The following MB variants were observed in gnomAD, a reference collection of about 807,000 sequenced individuals.
MB encodes the protein nitrite reductase MB.
Under a neutral mutation model 14.5 loss-of-function variants are expected in MB, and 10 were observed. The observed-to-expected ratio is 0.69, with a 90% confidence interval of 0.43 to 1.17. MB has a LOEUF of 1.17. Among genes scored for constraint, MB ranks in the 50% most tolerant of loss-of-function variants. The pLI, the probability that MB is intolerant of heterozygous loss-of-function variation, is 0.00. For missense variants in MB, 169 were observed against 192.7 expected, an observed-to-expected ratio of 0.88 and a Z score of 0.73; for synonymous variants, 89 against 78.6, an observed-to-expected ratio of 1.13 and a Z score of -0.70.
At chr22:35,611,221 C>T in intron 1 of MB, 115 bp from the exon 2 acceptor site, 2 of 710,782 alleles carry the variant, frequency 2.8e-6, no homozygotes, top group Non-Finnish European at 4.9e-6. Context: ...GACCTTGGGC[C>T]ATTCACTTCA....
At chr22:35,611,378 A>G (rs1922617107) in intron 1 of MB, among the ~76,000 whole-genome samples, 1 of 152,176 alleles carries the variant, frequency 6.6e-6, no homozygotes, top group Admixed American at 6.5e-5. Context: ...AGATGTGGAA[A>G]CCGAGGTTCT....
upstream of MB, among the ~76,000 whole-genome samples, chr22:35,618,598 A>G (rs532685685): frequency 2.6e-5 from 4 of 151,262 alleles, no homozygotes; most frequent in Non-Finnish European, 5.9e-5. Flanking sequence ...CCACCCATCC[A>G]TCCAACATCT....
chr22:35,618,660 A>G (rs1184518759), upstream of MB, among the ~76,000 whole-genome samples: 1 of 151,360 alleles, frequency 6.6e-6, no homozygotes, highest in African/African-American at 2.4e-5. Flanking sequence ...TCATCTATCC[A>G]TCATCTCTTT....
chr22:35,617,415 C>A (rs1923160081), upstream of MB: 3 of 607,104 alleles, frequency 4.9e-6, no homozygotes, highest in Admixed American at 8.4e-5. Flanking sequence ...CCCTCCCCTG[C>A]CCTCCTTCAC....
intron 1 of MB, among the ~76,000 whole-genome samples, chr22:35,613,132 C>T (rs1922774149): frequency 6.6e-6 from 1 of 152,232 alleles, no homozygotes; most frequent in African/African-American, 2.4e-5. Flanking sequence ...CGACAATGAT[C>T]CTTGAACTCC....
chr22:35,618,906 C>T (rs1280755542), upstream of MB, among the ~76,000 whole-genome samples: 1 of 151,514 alleles, frequency 6.6e-6, no homozygotes, highest in Non-Finnish European at 1.5e-5. Context: ...CCACCCATCC[C>T]TCCATCTATC....
upstream of MB, among the ~76,000 whole-genome samples, chr22:35,620,824 T>C (rs1022053217): frequency 6.6e-6 from 1 of 152,202 alleles, no homozygotes; most frequent in Non-Finnish European, 1.5e-5. Context: ...TCCTGAGTTG[T>C]CTGGGGATGG....
rs1381773320 is a variant in MB at position 35,607,315 on chromosome 22, C to G, written c.447G>C (p.Glu149Asp). 1 of 1,613,552 alleles carries G rather than the reference C, an allele frequency of 6.2e-7. No individual in the cohort carries two copies. Among genetic ancestry groups the G allele is most frequent in the African/African-American group, 1.3e-5 (1 of 75,054 alleles). ...FRKDMASNYK[E>D]LGFQG Reference sequence around the variant, plus strand: ...CAGGGGCCTAGCCCTGGAAGCCCAGCTCCTTGTAGTTGGAGGCCATGTCCT... The same window carrying G: ...CAGGGGCCTAGCCCTGGAAGCCCAGGTCCTTGTAGTTGGAGGCCATGTCCT... Residue 149 changes from glutamate (E) to aspartate (D), a missense_variant, in exon 3 of 3, where the codon GAG (glutamate) becomes GAC (aspartate). Physicochemically the swap from Glu to Asp is conservative, Grantham distance 45. Coordinates refer to ENST00000397326, the MANE Select transcript of MB (RefSeq NM_005368.3).
intron 1 of MB, among the ~76,000 whole-genome samples, chr22:35,611,594 G>A (rs1262786529): frequency 1.3e-5 from 2 of 152,194 alleles, no homozygotes; most frequent in Admixed American, 1.3e-4. Flanking sequence ...CCACTCCAGA[G>A]CAATCCTCAC....
rs1381773320 is a variant in MB, at chr22:35,607,315, C to T, written c.447G>A (p.Glu149=). The T allele has an allele frequency of 1.2e-6, 2 of 1,613,552 alleles. No individual in the cohort carries two copies. Among genetic ancestry groups the T allele is most frequent in the East Asian group, 2.2e-5 (1 of 44,852 alleles). Residue 149 remains glutamate (E), a synonymous_variant, in exon 3 of 3, where the codon GAG becomes GAA. Transcript: ENST00000397326. ...CAGGGGCCTAGCCCTGGAAGCCCAGCTCCTTGTAGTTGGAGGCCATGTCCT... is the reference window on the plus strand; with the variant it reads ...CAGGGGCCTAGCCCTGGAAGCCCAGTTCCTTGTAGTTGGAGGCCATGTCCT... The part of the protein sequence containing the change: ...FRKDMASNYK[E]LGFQG
At chr22:35,614,988 C>T (rs1394468924) in intron 1 of MB, among the ~76,000 whole-genome samples, 2 of 152,214 alleles carry the variant, frequency 1.3e-5, no homozygotes, top group South Asian at 4.1e-4. Flanking sequence ...GGAGCCCACT[C>T]AGCAGCCCCC....
At chr22:35,616,033 C>T (rs934699215) in intron 1 of MB, among the ~76,000 whole-genome samples, 2 of 152,116 alleles carry the variant, frequency 1.3e-5, no homozygotes, top group Non-Finnish European at 2.9e-5. Flanking sequence ...CAAGGGAGAC[C>T]CAAAGGACGA....
upstream of MB, chr22:35,617,505 C>A (rs1923169857): frequency 1.9e-6 from 1 of 530,990 alleles, no homozygotes; most frequent in South Asian, 2.3e-5. Flanking sequence ...GGGCAGGTGC[C>A]ATTGTGGCGA....
rs754890673 is a variant in MB at position 35,607,050 on chromosome 22, C to T, written c.*247G>A. The stretch of plus-strand genomic sequence containing the variant: ...AAAGGACAATTAATTCAGATCCAAA[C>T]CATGCAGAACACAGTGAGCCAAGGG... On this transcript the variant is annotated 3_prime_UTR_variant, in exon 3 of 3. Coordinates refer to ENST00000397326, the MANE Select transcript of MB (RefSeq NM_005368.3). The T allele has an allele frequency of 4.8e-6, 2 of 416,330 alleles. No individual in the cohort carries two copies. The highest frequency in any genetic ancestry group is 3.9e-5 in the Admixed American group (1 of 25,676). 25.8% of individuals were successfully genotyped at this position (416,330 alleles called of 1,614,324 possible). A position where few individuals can be genotyped will look rare whatever the true frequency, so the allele number is the denominator to read the frequency against.
At chr22:35,615,560 C>T (rs888913007) in intron 1 of MB, 3 of 152,470 alleles carry the variant, frequency 2.0e-5, no homozygotes, top group Admixed American at 1.3e-4. Flanking sequence ...GCTCTGCAAA[C>T]TCTGGTCTCC....
upstream of MB, among the ~76,000 whole-genome samples, chr22:35,617,855 AG>A (rs1222498969): frequency 6.6e-6 from 1 of 152,172 alleles, no homozygotes; most frequent in African/African-American, 2.4e-5. Context: ...GTCCCAGGCA[AG>A]TCCACAATCT....
intron 1 of MB, among the ~76,000 whole-genome samples, chr22:35,614,802 A>G (rs1427315455): frequency 1.3e-5 from 2 of 152,160 alleles, no homozygotes; most frequent in African/African-American, 4.8e-5. Flanking sequence ...TGTGGCTGCC[A>G]TTAACCGGTG....
chr22:35,609,278 A>G (rs989240268), intron 2 of MB, among the ~76,000 whole-genome samples: 2 of 152,192 alleles, frequency 1.3e-5, no homozygotes, highest in Non-Finnish European at 2.9e-5. Flanking sequence ...AGATGAAGAT[A>G]AAGTGCCATG....
chr22:35,618,164 A>G (rs557558618), upstream of MB, among the ~76,000 whole-genome samples: 5 of 152,308 alleles, frequency 3.3e-5, no homozygotes, highest in South Asian at 1.0e-3. Context: ...ATAGGTACTG[A>G]CATTATCCCT....
Sources: allele counts gnomAD v4.1 joint callset (sites outside exome capture counted in the v4.1 genomes callset), GRCh38; gene constraint gnomAD v4.1.1; transcripts MANE v1.5; gene names NCBI Gene and HGNC (gene_info 2026-07-23, HGNC 2026-07-21).